The following RPTOR variants were observed in gnomAD, a reference collection of about 807,000 sequenced individuals.
RPTOR encodes regulatory-associated protein of mTOR.
RPTOR carries 21 observed loss-of-function variants against 169.9 expected under a neutral mutation model. The observed-to-expected ratio is 0.12, with a 90% confidence interval of 0.09 to 0.18. RPTOR has a LOEUF of 0.18. Ranked by LOEUF, RPTOR falls within the 10% of genes least tolerant of loss-of-function variation. RPTOR has a pLI of 1.00. For missense variants in RPTOR, 1,133 were observed against 1,855.9 expected, an observed-to-expected ratio of 0.61 and a Z score of 7.16; for synonymous variants, 732 against 753.2, an observed-to-expected ratio of 0.97 and a Z score of 0.46.
At position 80,883,984 on chromosome 17, in the gene RPTOR, G is replaced by T. The variant is rs543836312; in HGVS notation, c.1842+12G>T. The T allele has an allele frequency of 2.7e-5, 44 of 1,602,602 alleles. No homozygotes were observed. In the South Asian group the frequency reaches 4.2e-4, roughly 15 times the overall value. Reference sequence around the variant, plus strand: ...ACCCCATTCCCGAGGTGAGTCAGGCGGGGGCTCAGAGTCCAGTCCTCCTGG... The same window carrying T: ...ACCCCATTCCCGAGGTGAGTCAGGCTGGGGCTCAGAGTCCAGTCCTCCTGG... On this transcript the variant is annotated intron_variant, in intron 16 of 33. Transcript: ENST00000306801.
Position 80,758,487 on chromosome 17 carries a change from C to T in RPTOR, c.830+4302C>T, listed in dbSNP as rs79843817. Among the ~76,000 whole-genome samples, 338 of 152,214 alleles carry T rather than the reference C, an allele frequency of 2.2e-3. 3 individuals carry two copies. Among genetic ancestry groups the T allele is most frequent in the African/African-American group, 7.5e-3 (313 of 41,526 alleles). ...GGTAGAAAAATGACTTCATCAGAAC[C>T]GTGTTTTAGAAAGAGGATCCAAGTG... On this transcript the variant is annotated intron_variant, in intron 6 of 33. Coordinates refer to ENST00000306801, the MANE Select transcript of RPTOR (RefSeq NM_020761.3).
rs142096988 is a variant in RPTOR at position 80,601,280 on chromosome 17, C to CA, written c.163-24410dup. 7.1e-3 allele frequency among the ~76,000 whole-genome samples: 1,081 copies of CA among 151,850 alleles called. 22 individuals are homozygous for CA. Among genetic ancestry groups the CA allele is most frequent in the African/African-American group, 0.025 (1,039 of 41,474 alleles). On this transcript the variant is annotated intron_variant, in intron 1 of 33. Transcript: ENST00000306801. ...GGACCCGGACATTGTGGAGCAGAGACAGGGTGTCCCCTCCCTTCCCTTCCT... is the reference window on the plus strand; with the variant it reads ...GGACCCGGACATTGTGGAGCAGAGACAAGGGTGTCCCCTCCCTTCCCTTCCT...
At chr17:80,859,565 C>T (rs1256091860) in intron 13 of RPTOR, among the ~76,000 whole-genome samples, 1 of 152,146 alleles carries the variant, frequency 6.6e-6, no homozygotes, top group African/African-American at 2.4e-5. Flanking sequence ...GGTGCCGCCA[C>T]GGGTGAGGAG....
intron 25 of RPTOR, 76 bp from the exon 26 acceptor site, chr17:80,945,591 C>CAAAA: frequency 1.0e-6 from 1 of 996,386 alleles, no homozygotes; most frequent in Non-Finnish European, 1.5e-6. Flanking sequence ...GACTCCGTCT[C>CAAAA]AAAAAAAATA....
intron 7 of RPTOR, among the ~76,000 whole-genome samples, chr17:80,812,946 C>T (rs1340199768): frequency 6.6e-6 from 1 of 152,190 alleles, no homozygotes; most frequent in Non-Finnish European, 1.5e-5. Flanking sequence ...GTTGGACCCA[C>T]GTCCCCAGCC....
chr17:80,864,885 A>T (rs1022070654), intron 13 of RPTOR, among the ~76,000 whole-genome samples: 2 of 152,212 alleles, frequency 1.3e-5, no homozygotes, highest in East Asian at 3.8e-4. Flanking sequence ...TCTGTTGCCC[A>T]GGCCTGATCA....
chr17:80,765,150 G>T (rs973874892), intron 6 of RPTOR, among the ~76,000 whole-genome samples: 2 of 152,216 alleles, frequency 1.3e-5, no homozygotes, highest in Non-Finnish European at 2.9e-5. Flanking sequence ...TACGCTGTCC[G>T]TCGCATCTCT....
intron 3 of RPTOR, among the ~76,000 whole-genome samples, chr17:80,661,051 TGTCTAA>T (rs1197864510): frequency 6.6e-6 from 1 of 152,226 alleles, no homozygotes; most frequent in African/African-American, 2.4e-5. Context: ...TTTTCTTCTT[TGTCTAA>T]GTCTTACTGC....
intron 1 of RPTOR, among the ~76,000 whole-genome samples, chr17:80,594,557 C>T (rs549586228): frequency 5.3e-5 from 8 of 152,328 alleles, no homozygotes; most frequent in Non-Finnish European, 8.8e-5. Flanking sequence ...GTGAACTGCA[C>T]GGAGCAACGC....
rs182511470 is a variant in RPTOR, at chr17:80,820,864, G to A, written c.891-1337G>A. On this transcript the variant is annotated intron_variant, in intron 7 of 33. Transcript: ENST00000306801. This position sits in a 1 kb window ranked among gnomAD's most constrained non-coding sequence, Gnocchi z 4.1. The stretch of plus-strand genomic sequence containing the variant: ...TGAAAGGGGCTTCTCCGTCATCCCC[G>A]TCCTGGCCAGCAGCCTGACTAGAAA... Among the ~76,000 whole-genome samples, 133 of 152,292 alleles carry A rather than the reference G, an allele frequency of 8.7e-4. No homozygotes were observed. The highest frequency in any genetic ancestry group is 3.1e-3 in the African/African-American group (129 of 41,566).
chr17:80,552,240 A>C (rs2084354973), intron 1 of RPTOR, among the ~76,000 whole-genome samples: 1 of 152,202 alleles, frequency 6.6e-6, no homozygotes, highest in South Asian at 2.1e-4. Context: ...TCTGTGCTTA[A>C]AGTAGAACTC....
chr17:80,837,829 C>A, intron 9 of RPTOR, 93 bp from the exon 10 acceptor site: 1 of 1,217,892 alleles, frequency 8.2e-7, no homozygotes, highest in Non-Finnish European at 1.2e-6. Context: ...CCTTGCTGCC[C>A]AGGCTCAGCC....
chr17:80,687,840 G>C (rs11652856), intron 3 of RPTOR, among the ~76,000 whole-genome samples: 61,782 of 152,090 alleles, frequency 0.41, 13,099 homozygotes, highest in East Asian at 0.55. Flanking sequence ...GTGAGTTGTA[G>C]GAAGCTCAGA....
chr17:80,575,841 C>A (rs1599566181), intron 1 of RPTOR, among the ~76,000 whole-genome samples: 1 of 152,132 alleles, frequency 6.6e-6, no homozygotes, highest in Non-Finnish European at 1.5e-5. Flanking sequence ...TATGTCTATT[C>A]TCCTTATTAG....
chr17:80,625,139 G>C (rs1599611114), intron 1 of RPTOR, among the ~76,000 whole-genome samples: 1 of 152,214 alleles, frequency 6.6e-6, no homozygotes, highest in African/African-American at 2.4e-5. Context: ...GTAAGTACGA[G>C]GAATGAGTAG....
In RPTOR at chr17:80,633,634, A is replaced by G. The variant is rs1239773334; in HGVS notation, c.265+7841A>G. 6.6e-6 allele frequency among the ~76,000 whole-genome samples: 1 copy of G among 152,188 alleles called. No homozygotes were observed. The highest frequency in any genetic ancestry group is 1.5e-5 in the Non-Finnish European group (1 of 68,032). ...CTGGTCATGCAGATCTTCTCACCTG[A>G]TTCAGCTGGCGCCTGCTGGACCTCA... On this transcript the variant is annotated intron_variant, in intron 2 of 33. Transcript: ENST00000306801. The surrounding 1 kb of genome is among the most constrained non-coding windows in gnomAD (Gnocchi z 4.1).
intron 25 of RPTOR, among the ~76,000 whole-genome samples, chr17:80,943,854 A>T (rs1283172000): frequency 7.2e-6 from 1 of 138,026 alleles, no homozygotes; most frequent in Non-Finnish European, 1.6e-5. Context: ...GTCTCTCTGC[A>T]CCACCTGGAG....
intron 20 of RPTOR, among the ~76,000 whole-genome samples, chr17:80,904,707 C>T (rs1352363306): frequency 2.0e-5 from 3 of 152,110 alleles, no homozygotes; most frequent in Non-Finnish European, 2.9e-5. Context: ...CTGGTGGACT[C>T]GAATCCGATG....
rs1418294468 is a variant in RPTOR at position 80,726,141 on chromosome 17, G to A, written c.508-4419G>A. On this transcript the variant is annotated intron_variant, in intron 4 of 33. Transcript: ENST00000306801. This position sits in a 1 kb window ranked among gnomAD's most constrained non-coding sequence, Gnocchi z 4.5. Reference sequence around the variant, plus strand: ...GACCACAGAGGCCCACATCCAAGCAGGCTTCCCAGAGCAGGCGGGGCTGGG... The same window carrying A: ...GACCACAGAGGCCCACATCCAAGCAAGCTTCCCAGAGCAGGCGGGGCTGGG... 6.6e-6 allele frequency among the ~76,000 whole-genome samples: 1 copy of A among 152,204 alleles called. No individual in the cohort carries two copies. Among genetic ancestry groups the A allele is most frequent in the Non-Finnish European group, 1.5e-5 (1 of 68,040 alleles).
Sources: allele counts gnomAD v4.1 joint callset (sites outside exome capture counted in the v4.1 genomes callset), GRCh38; gene constraint gnomAD v4.1.1; non-coding constraint Gnocchi (gnomAD v3.1); transcripts MANE v1.5; gene names NCBI Gene and HGNC (gene_info 2026-07-23, HGNC 2026-07-21).